The following TTLL5 variants were observed in gnomAD, a reference collection of about 807,000 sequenced individuals.
The protein encoded by TTLL5 is tubulin tyrosine ligase like 5.
In TTLL5, 132 loss-of-function variants were observed where a neutral mutation model predicts 168.4. The ratio of observed to expected loss-of-function variants is 0.78; its 90% CI spans 0.68 to 0.91. TTLL5 has a LOEUF of 0.91. Ranked by LOEUF, TTLL5 falls within the 40% of genes least tolerant of loss-of-function variation. The pLI is 0.00. For synonymous variants in TTLL5, 546 were observed against 558.6 expected (o/e 0.98, Z 0.32); for missense variants, 1,545 against 1,581.5 (o/e 0.98, Z 0.39).
chr14:75,730,407 G>A (rs12433836), intron 12 of TTLL5, among the ~76,000 whole-genome samples: 1 of 152,154 alleles, frequency 6.6e-6, no homozygotes, highest in Non-Finnish European at 1.5e-5. Context: ...TTAATGTATA[G>A]GCAATGTATA....
intron 30 of TTLL5, among the ~76,000 whole-genome samples, chr14:75,891,313 G>C (rs7160976): frequency 0.9 from 136,278 of 152,236 alleles, 61,157 homozygotes; most frequent in African/African-American, 0.95. Context: ...CTGCCCCTTC[G>C]TCACCTCCTC....
intron 28 of TTLL5, among the ~76,000 whole-genome samples, chr14:75,856,327 T>C (rs1897122465): frequency 1.3e-5 from 2 of 152,168 alleles, no homozygotes; most frequent in South Asian, 4.1e-4. Context: ...CATGCCACTG[T>C]GCTCCAGCCT....
intron 25 of TTLL5, 45 bp from the exon 26 acceptor site, chr14:75,783,102 T>A (rs373037588): frequency 6.6e-7 from 1 of 1,509,246 alleles, no homozygotes; most frequent in Non-Finnish European, 8.9e-7. Flanking sequence ...GATTGTATGT[T>A]TGTTTTTCCT....
At chr14:75,812,848 G>A (rs543719527) in intron 27 of TTLL5, among the ~76,000 whole-genome samples, 104 of 152,192 alleles carry the variant, frequency 6.8e-4, no homozygotes, top group Non-Finnish European at 1.3e-3. Context: ...GCAAATTTTG[G>A]TTCAGTGCAG....
Position 75,791,105 on chromosome 14 carries a change from C to CAAAAAAAAAAAAAAAAAAAAAAAA in TTLL5, c.2987-1792_2987-1791insAAAAAAAAAAAAAAAAAAAAAAAA, listed in dbSNP as rs372035829. On this transcript the variant is annotated intron_variant, in intron 26 of 31. Transcript: ENST00000298832. ...TGGGTGACAGAGCAAGACTCTGTCTCAAAAAAAAAAAAAAAAAAATACCAC... is the reference window on the plus strand; with the variant it reads ...TGGGTGACAGAGCAAGACTCTGTCTCAAAAAAAAAAAAAAAAAAAAAAAAAAAAAAAAAAAAAAAAAAATACCAC... Among the ~76,000 whole-genome samples, 11 of 77,272 alleles carry CAAAAAAAAAAAAAAAAAAAAAAAA rather than the reference C, an allele frequency of 1.4e-4. 1 individual carries two copies. The highest frequency in any genetic ancestry group is 7.6e-4 in the African/African-American group (10 of 13,152). The allele number at this position is 77,272 out of a possible 152,430, so 50.7% of individuals were successfully genotyped here.
At chr14:75,725,656 C>T (rs931925974) in intron 12 of TTLL5, among the ~76,000 whole-genome samples, 19 of 152,114 alleles carry the variant, frequency 1.2e-4, no homozygotes, top group Non-Finnish European at 2.8e-4. Flanking sequence ...CTTATGAGTC[C>T]GGCCACTTTT....
At chr14:75,862,545 A>C (rs1407740940) in intron 28 of TTLL5, among the ~76,000 whole-genome samples, 3 of 152,182 alleles carry the variant, frequency 2.0e-5, no homozygotes, top group African/African-American at 7.2e-5. Flanking sequence ...AGTAGTATAA[A>C]TGGGGTCTTT....
chr14:75,820,243 C>A, intron 28 of TTLL5, 82 bp downstream of exon 28: 1 of 1,420,436 alleles, frequency 7.0e-7, no homozygotes, highest in South Asian at 1.6e-5. Flanking sequence ...ACCTTGAGTT[C>A]TGTATGGAGA....
intron 31 of TTLL5, among the ~76,000 whole-genome samples, chr14:75,904,509 C>G (rs1050363407): frequency 6.6e-6 from 1 of 152,144 alleles, no homozygotes; most frequent in Non-Finnish European, 1.5e-5. Flanking sequence ...CAGTTGGAAA[C>G]TTGGGTGGTC....
chr14:75,887,165 GC>G, intron 30 of TTLL5: 1 of 1,019,648 alleles, frequency 9.8e-7, no homozygotes, highest in Non-Finnish European at 1.2e-6. Flanking sequence ...AGGGAGGAAA[GC>G]CATCAGGACT....
At chr14:75,928,368 TCA>T (rs2034155427) in intron 31 of TTLL5, among the ~76,000 whole-genome samples, 1 of 140,318 alleles carries the variant, frequency 7.1e-6, no homozygotes. Flanking sequence ...TATATATATA[TCA>T]CTGTATTTCT....
chr14:75,720,730 G>A (rs763173614), intron 12 of TTLL5, 27 bp downstream of exon 12: 4 of 1,581,850 alleles, frequency 2.5e-6, no homozygotes, highest in East Asian at 4.5e-5. Flanking sequence ...AGCTTAACAT[G>A]TTTTGTGAAG....
chr14:75,838,427 T>C (rs1320335205), intron 28 of TTLL5: 6 of 151,012 alleles, frequency 4.0e-5, no homozygotes, highest in African/African-American at 9.7e-5. Context: ...CTGTGTGTGG[T>C]GGTGGACACC....
intron 12 of TTLL5, among the ~76,000 whole-genome samples, chr14:75,731,286 T>A (rs1480219344): frequency 6.6e-6 from 1 of 151,906 alleles, no homozygotes; most frequent in Non-Finnish European, 1.5e-5. Flanking sequence ...AGAAAAAATA[T>A]AAGCAGTTTT....
chr14:75,943,243 C>T (rs532773176), intron 31 of TTLL5, among the ~76,000 whole-genome samples: 2 of 152,210 alleles, frequency 1.3e-5, no homozygotes, highest in Non-Finnish European at 2.9e-5. Context: ...TGACTCTGTA[C>T]CCGAATTATG....
At chr14:75,952,945 G>A (rs1472693765) in intron 31 of TTLL5, among the ~76,000 whole-genome samples, 1 of 152,174 alleles carries the variant, frequency 6.6e-6, no homozygotes, top group Non-Finnish European at 1.5e-5. Flanking sequence ...TATGATGACG[G>A]ATGCACAACT....
chr14:75,704,474 G>A (rs537781397), intron 7 of TTLL5, among the ~76,000 whole-genome samples: 26 of 152,334 alleles, frequency 1.7e-4, no homozygotes, highest in African/African-American at 6.3e-4. Context: ...AGGAAGTGGA[G>A]GTTGCAGTGA....
At chr14:75,677,964 A>T (rs1379453166) in intron 3 of TTLL5, among the ~76,000 whole-genome samples, 1 of 151,756 alleles carries the variant, frequency 6.6e-6, no homozygotes, top group African/African-American at 2.4e-5. Context: ...CTTATTCCCC[A>T]TGTAACTGTT....
chr14:75,678,214 C>T (rs1311836392), intron 3 of TTLL5, among the ~76,000 whole-genome samples: 1 of 152,134 alleles, frequency 6.6e-6, no homozygotes, highest in Non-Finnish European at 1.5e-5. Flanking sequence ...AACCTTCAGA[C>T]AAGTTACAAA....
Sources: gnomAD v4.1 joint callset for allele counts (sites outside exome capture counted in the v4.1 genomes callset) on GRCh38, gnomAD v4.1.1 for gene constraint, MANE v1.5 for transcripts, NCBI Gene and HGNC (gene_info 2026-07-23, HGNC 2026-07-21) for gene names.